RNF121: variants seen among roughly 807,000 people sequenced by gnomAD.
RNF121 encodes E3 ubiquitin ligase RNF121.
Under a neutral mutation model 46.5 loss-of-function variants are expected in RNF121, and 21 were observed. The observed-to-expected ratio is 0.45, with a 90% CI of 0.32 to 0.65. RNF121 has a LOEUF of 0.65. Among genes scored for constraint, RNF121 ranks in the 30% least tolerant of loss-of-function variants. The pLI is 0.04. For synonymous variants in RNF121, 139 were observed against 144.7 expected (o/e 0.96, Z 0.28); for missense variants, 346 against 416.0 (o/e 0.83, Z 1.46).
At chr11:71,980,297 C>CTCTGT (rs534822096) in intron 3 of RNF121, among the ~76,000 whole-genome samples, 10 of 152,066 alleles carry the variant, frequency 6.6e-5, no homozygotes, top group Non-Finnish European at 8.8e-5. Context: ...TTACCCTTTT[C>CTCTGT]TCTGTTCTGT....
rs78236537 is a variant in RNF121, at chr11:71,952,859, A to G, written c.64-4368A>G. Among the ~76,000 whole-genome samples, 750 of 152,304 alleles carry G rather than the reference A, an allele frequency of 4.9e-3. 11 individuals are homozygous for G. The East Asian group carries it at 0.074, about 15-fold the overall frequency. Reference sequence around the variant, plus strand: ...GTGGAATAATTAAATCAAGCTAGTAACTTATCGATCACCTCAAATACTTAA... The same window carrying G: ...GTGGAATAATTAAATCAAGCTAGTAGCTTATCGATCACCTCAAATACTTAA... On this transcript the variant is annotated intron_variant, in intron 1 of 8. Coordinates refer to ENST00000361756, the MANE Select transcript of RNF121 (RefSeq NM_018320.5).
intron 1 of RNF121, among the ~76,000 whole-genome samples, chr11:71,931,057 C>G (rs1330279951): frequency 6.6e-6 from 1 of 152,294 alleles, no homozygotes; most frequent in East Asian, 1.9e-4. Context: ...TGGCCTCGAA[C>G]TCCTGACCTC....
At chr11:71,933,258 G>A (rs2134141338) in intron 1 of RNF121, among the ~76,000 whole-genome samples, 1 of 152,318 alleles carries the variant, frequency 6.6e-6, no homozygotes, top group Admixed American at 6.5e-5. Flanking sequence ...TAGTGCCTGT[G>A]AATCTGGATG....
rs756243507 is a variant in RNF121 at position 71,982,931 on chromosome 11, G to A, written c.398+16G>A. ...CAACCCCAAGGTGAGAGTTTAAGTA[G>A]TGGGAAGAGCCCAGGTTTTCCGAAG... is the stretch of plus-strand genomic sequence containing the variant. On this transcript the variant is annotated intron_variant, in intron 4 of 8. Coordinates refer to ENST00000361756, the MANE Select transcript of RNF121 (RefSeq NM_018320.5). 3.1e-6 allele frequency: 5 copies of A among 1,589,930 alleles called. No homozygotes were observed. The highest frequency in any genetic ancestry group is 3.4e-6 in the Non-Finnish European group (4 of 1,169,034).
At chr11:71,980,637 ACGC>A (rs1165733929) in intron 3 of RNF121, among the ~76,000 whole-genome samples, 1 of 152,150 alleles carries the variant, frequency 6.6e-6, no homozygotes, top group Non-Finnish European at 1.5e-5. Flanking sequence ...GTGAGTCACC[ACGC>A]CTGGCCATCT....
chr11:71,963,946 A>G (rs1954206190), intron 3 of RNF121, among the ~76,000 whole-genome samples: 1 of 152,210 alleles, frequency 6.6e-6, no homozygotes, highest in Non-Finnish European at 1.5e-5. Flanking sequence ...ATTGGAAAGT[A>G]TGTTCCTCAA....
intron 1 of RNF121, among the ~76,000 whole-genome samples, chr11:71,955,272 C>T (rs1953967011): frequency 6.6e-6 from 1 of 152,146 alleles, no homozygotes; most frequent in Non-Finnish European, 1.5e-5. Flanking sequence ...TCTAAGATAA[C>T]ATGAGACTGA....
At chr11:71,947,046 A>G (rs1301929159) in intron 1 of RNF121, among the ~76,000 whole-genome samples, 1 of 151,684 alleles carries the variant, frequency 6.6e-6, no homozygotes, top group African/African-American at 2.4e-5. Context: ...TTGTATTTTA[A>G]GTAGAGACGG....
At chr11:71,993,288 G>C (rs977853417) in intron 6 of RNF121, among the ~76,000 whole-genome samples, 2 of 152,218 alleles carry the variant, frequency 1.3e-5, no homozygotes, top group African/African-American at 4.8e-5. Flanking sequence ...TACATTTGCA[G>C]TGTTCTGCAA....
chr11:71,934,545 C>A (rs1180361475), intron 1 of RNF121, among the ~76,000 whole-genome samples: 3 of 152,124 alleles, frequency 2.0e-5, no homozygotes, highest in Non-Finnish European at 1.5e-5. Flanking sequence ...TGGTTCTCTC[C>A]CTATAGACAT....
intron 1 of RNF121, among the ~76,000 whole-genome samples, chr11:71,949,329 G>T (rs544885315): frequency 4.0e-5 from 6 of 151,524 alleles, no homozygotes; most frequent in African/African-American, 1.5e-4. Context: ...GAGGTGGGAG[G>T]ATTGCTTAGG....
At chr11:71,983,445 A>T (rs1451139977) in intron 4 of RNF121, among the ~76,000 whole-genome samples, 1 of 152,244 alleles carries the variant, frequency 6.6e-6, no homozygotes, top group East Asian at 1.9e-4. Flanking sequence ...TTTTTGTTGA[A>T]TGAATGAATC....
chr11:71,976,295 A>T (rs1175952091), intron 3 of RNF121, among the ~76,000 whole-genome samples: 1 of 149,326 alleles, frequency 6.7e-6, no homozygotes, highest in Non-Finnish European at 1.5e-5. Flanking sequence ...GAGATACTTT[A>T]ACAGAGCAGA....
In RNF121 at chr11:71,997,005, A is replaced by T. The variant is rs765435402; in HGVS notation, c.*690A>T. 6.6e-6 allele frequency: 1 copy of T among 152,304 alleles called. No individual in the cohort carries two copies. Among genetic ancestry groups the T allele is most frequent in the African/African-American group, 2.4e-5 (1 of 41,456 alleles). The allele number at this position is 152,304 out of a possible 1,614,324, so 9.4% of individuals were successfully genotyped here. On this transcript the variant is annotated 3_prime_UTR_variant, in exon 9 of 9. Transcript: ENST00000361756. The stretch of plus-strand genomic sequence containing the variant: ...ACAACTGGAAGAATCAGCACCATGG[A>T]TACTCGCCCGTGGGCAGGGCTGTGG...
intron 1 of RNF121, among the ~76,000 whole-genome samples, chr11:71,932,164 T>A (rs933315243): frequency 2.7e-4 from 41 of 152,294 alleles, no homozygotes; most frequent in African/African-American, 9.1e-4. Context: ...GAAAAGAGGG[T>A]TTAGGAAAAG....
At chr11:71,940,377 T>G (rs534039182) in intron 1 of RNF121, among the ~76,000 whole-genome samples, 1 of 152,336 alleles carries the variant, frequency 6.6e-6, no homozygotes, top group South Asian at 2.1e-4. Context: ...AAGTACCCTC[T>G]CATGGATATG....
intron 6 of RNF121, among the ~76,000 whole-genome samples, chr11:71,993,882 C>T (rs1258937070): frequency 6.7e-6 from 1 of 149,910 alleles, no homozygotes; most frequent in South Asian, 2.1e-4. Flanking sequence ...GGTCTGTTGC[C>T]CAGGCTGGAG....
chr11:71,961,090 C>T (rs72952249), intron 3 of RNF121, among the ~76,000 whole-genome samples, 199 bp downstream of exon 3: 1,941 of 152,250 alleles, frequency 0.013, 22 homozygotes, highest in Middle Eastern at 0.031. Context: ...AAGGATAGAA[C>T]ATAAGACTAT....
chr11:71,981,674 G>A (rs1954663276), intron 3 of RNF121, among the ~76,000 whole-genome samples: 1 of 152,192 alleles, frequency 6.6e-6, no homozygotes, highest in African/African-American at 2.4e-5. Context: ...AAGTCTGAGG[G>A]AAGGCTCTGA....
Sources: allele counts gnomAD v4.1 joint callset (sites outside exome capture counted in the v4.1 genomes callset), GRCh38; gene constraint gnomAD v4.1.1; transcripts MANE v1.5; gene names NCBI Gene and HGNC (gene_info 2026-07-23, HGNC 2026-07-21).